The following FRMPD1 variants were observed in gnomAD, a reference collection of about 807,000 sequenced individuals.
FRMPD1 encodes the protein FERM and PDZ domain containing 1, also known as FERM and PDZ domain-containing protein 1.
A neutral mutation model predicts 117.8 loss-of-function variants in FRMPD1; 76 were observed. The ratio of observed to expected loss-of-function variants is 0.65; its 90% CI spans 0.54 to 0.78. FRMPD1 has a LOEUF of 0.78. Ranked by LOEUF, FRMPD1 falls within the 30% of genes least tolerant of loss-of-function variation. The probability of loss-of-function intolerance (pLI) is 0.00; values close to 1 mark genes in which losing one functional copy is unlikely to be tolerated. For missense variants in FRMPD1, 1,786 were observed against 1,964.5 expected, an observed-to-expected ratio of 0.91 and a Z score of 1.72; for synonymous variants, 783 against 770.4, an observed-to-expected ratio of 1.02 and a Z score of -0.27.
At chr9:37,711,275 A>G in intron 4 of FRMPD1, 75 bp from the exon 5 acceptor site, 1 of 933,984 alleles carries the variant, frequency 1.1e-6, no homozygotes, top group Non-Finnish European at 1.8e-6. Flanking sequence ...ACACATGCTC[A>G]CACATGTATG....
Position 37,724,215 on chromosome 9 carries a change from T to G in FRMPD1, c.517-10T>G, listed in dbSNP as rs758596354. On this transcript the variant is annotated splice_polypyrimidine_tract_variant and intron_variant, in intron 6 of 15. Coordinates refer to ENST00000377765, the MANE Select transcript of FRMPD1 (RefSeq NM_014907.3). ...AGACAGGGATACAACAATACTCTTG[T>G]GTTTTCCAGGGTAATTCTCTGCTGT... 5 of 1,432,136 alleles carry G rather than the reference T, an allele frequency of 3.5e-6. No homozygotes were observed. The highest frequency in any genetic ancestry group is 3.0e-6 in the Non-Finnish European group (3 of 1,013,988). 88.7% of individuals were successfully genotyped at this position (1,432,136 alleles called of 1,614,324 possible). A position where few individuals can be genotyped will look rare whatever the true frequency, so the allele number is the denominator to read the frequency against.
At chr9:37,620,818 C>A in the FRMPD1 span, among the ~76,000 whole-genome samples, 1 of 151,986 alleles carries the variant, frequency 6.6e-6, no homozygotes, top group East Asian at 1.9e-4. Flanking sequence ...GATGATAAAG[C>A]ACCTTCTTTA....
intron 13 of FRMPD1, among the ~76,000 whole-genome samples, 156 bp downstream of exon 13, chr9:37,735,890 G>A (rs764551276): frequency 1.3e-5 from 2 of 152,208 alleles, no homozygotes; most frequent in Non-Finnish European, 2.9e-5. Flanking sequence ...CAAACGGAAA[G>A]TGGTAAATGG....
chr9:37,621,633 G>C, the FRMPD1 span, among the ~76,000 whole-genome samples: 1 of 152,228 alleles, frequency 6.6e-6, no homozygotes, highest in African/African-American at 2.4e-5. Context: ...GCTGGCTAAT[G>C]CTTTGGCTGT....
At chr9:37,638,287 G>A in the FRMPD1 span, among the ~76,000 whole-genome samples, 1 of 151,964 alleles carries the variant, frequency 6.6e-6, no homozygotes, top group Non-Finnish European at 1.5e-5. Flanking sequence ...TGGCCAGGCT[G>A]GTCTCGAACT....
intron 2 of FRMPD1, among the ~76,000 whole-genome samples, chr9:37,698,104 ACT>A (rs1397323691): frequency 6.6e-6 from 1 of 152,180 alleles, no homozygotes; most frequent in Non-Finnish European, 1.5e-5. Context: ...ATGGAGTGAG[ACT>A]CTGTCTTAAA....
chr9:37,637,979 T>TCTTA, the FRMPD1 span, among the ~76,000 whole-genome samples: 2 of 104,394 alleles, frequency 1.9e-5, no homozygotes, highest in African/African-American at 6.9e-5. Flanking sequence ...TTTCTTTCTT[T>TCTTA]CTTTCTTTCT....
the FRMPD1 span, chr9:37,636,819 C>G: frequency 6.2e-7 from 1 of 1,612,092 alleles, no homozygotes. Context: ...AACGCCTGCT[C>G]GACATTGGTG....
chr9:37,628,382 T>A, the FRMPD1 span, among the ~76,000 whole-genome samples: 2 of 152,094 alleles, frequency 1.3e-5, no homozygotes, highest in South Asian at 4.1e-4. Flanking sequence ...TGTAAACATA[T>A]TAGTCTTTGG....
chr9:37,632,011 C>T, the FRMPD1 span, among the ~76,000 whole-genome samples: 1 of 151,960 alleles, frequency 6.6e-6, no homozygotes, highest in Non-Finnish European at 1.5e-5. Flanking sequence ...ATATACTGGT[C>T]ATAAAAAGAA....
intron 1 of FRMPD1, among the ~76,000 whole-genome samples, chr9:37,681,961 G>C (rs2117934651): frequency 6.6e-6 from 1 of 152,336 alleles, no homozygotes; most frequent in Non-Finnish European, 1.5e-5. Context: ...GCAGCTCTGT[G>C]ATTGGGGAAC....
chr9:37,646,766 TG>T (rs1412802655), upstream of FRMPD1, among the ~76,000 whole-genome samples: 1 of 152,154 alleles, frequency 6.6e-6, no homozygotes, highest in East Asian at 1.9e-4. Context: ...GATTCTATTT[TG>T]GGAACAATAG....
the FRMPD1 span, among the ~76,000 whole-genome samples, chr9:37,632,851 G>A: frequency 6.6e-6 from 1 of 151,070 alleles, no homozygotes; most frequent in East Asian, 1.9e-4. Context: ...TTCTCAAAGG[G>A]AGGGATGCTA....
intron 1 of FRMPD1, among the ~76,000 whole-genome samples, chr9:37,690,606 T>C (rs1159159973): frequency 6.6e-6 from 1 of 152,232 alleles, no homozygotes; most frequent in Non-Finnish European, 1.5e-5. Context: ...AAGTTACCTT[T>C]TCCCTGCAGG....
the FRMPD1 span, among the ~76,000 whole-genome samples, chr9:37,626,160 C>G: frequency 6.6e-6 from 1 of 152,126 alleles, no homozygotes; most frequent in Non-Finnish European, 1.5e-5. Context: ...AACCCCGTCT[C>G]TACTAAAAAA....
chr9:37,740,432 T>C lies in FRMPD1; in HGVS notation c.1904T>C (p.Leu635Pro). Residue 635 changes from leucine (L) to proline (P), a missense_variant, in exon 15 of 16, where the codon CTC becomes CCC. Leu to Pro is a moderately conservative substitution (Grantham distance 98). Coordinates refer to ENST00000377765, the MANE Select transcript of FRMPD1 (RefSeq NM_014907.3). This position sits in a 1 kb window ranked among gnomAD's most constrained non-coding sequence, Gnocchi z 4.2. ...TTCTTCCACTTTGGCTCGCCAGGCC[T>C]CGCAGAGAGCATTGACTCTGACAGC... ...STFFHFGSPG[L>P]AESIDSDSQE... is the part of the protein sequence containing the mutation. 1 of 1,614,148 alleles carries C rather than the reference T, an allele frequency of 6.2e-7. No homozygotes were observed. The highest frequency in any genetic ancestry group is 8.5e-7 in the Non-Finnish European group (1 of 1,180,002).
chr9:37,666,219 G>T (rs1002297668), intron 1 of FRMPD1, among the ~76,000 whole-genome samples: 3 of 152,124 alleles, frequency 2.0e-5, no homozygotes, highest in African/African-American at 7.2e-5. Context: ...CTTCTTCACA[G>T]TTGTTCTGCG....
intron 6 of FRMPD1, among the ~76,000 whole-genome samples, chr9:37,720,718 C>T (rs373116765): frequency 7.3e-5 from 11 of 151,130 alleles, no homozygotes; most frequent in African/African-American, 2.4e-4. Context: ...GAAACCACAT[C>T]TCTACTAAAA....
the FRMPD1 span, among the ~76,000 whole-genome samples, chr9:37,604,971 T>C: frequency 6.6e-6 from 1 of 152,240 alleles, no homozygotes; most frequent in South Asian, 2.1e-4. Context: ...TATTTCCACT[T>C]TACAAATGGA....
Sources: allele counts gnomAD v4.1 joint callset (sites outside exome capture counted in the v4.1 genomes callset), GRCh38; gene constraint gnomAD v4.1.1; non-coding constraint Gnocchi (gnomAD v3.1); transcripts MANE v1.5; gene names NCBI Gene and HGNC (gene_info 2026-07-23, HGNC 2026-07-21).